CCDC81: variants seen among roughly 807,000 people sequenced by gnomAD.
CCDC81 encodes coiled-coil domain containing 81.
In CCDC81, 79 loss-of-function variants were observed where a neutral mutation model predicts 83.7. The ratio of observed to expected loss-of-function variants is 0.94; its 90% CI spans 0.79 to 1.14. CCDC81 has a LOEUF of 1.14. CCDC81 is among the 50% of genes most tolerant of loss of function. CCDC81 has a pLI of 0.00. For synonymous variants in CCDC81, 252 were observed against 278.1 expected (o/e 0.91, Z 0.93); for missense variants, 791 against 778.1 (o/e 1.02, Z -0.20).
intron 13 of CCDC81, among the ~76,000 whole-genome samples, chr11:86,417,311 A>C (rs555717135): frequency 2.0e-5 from 3 of 152,012 alleles, no homozygotes; most frequent in African/African-American, 7.2e-5. Flanking sequence ...TAAATAGGAA[A>C]ATTTTTTAAA....
At chr11:86,395,032 A>C (rs1311904994) in intron 4 of CCDC81, 1 of 197,858 alleles carries the variant, frequency 5.1e-6, no homozygotes, top group Non-Finnish European at 1.0e-5. Context: ...TATTTTTACA[A>C]AGTCTGCTAT....
At chr11:86,391,918 G>C (rs572704887) in intron 3 of CCDC81, among the ~76,000 whole-genome samples, 77 of 152,328 alleles carry the variant, frequency 5.1e-4, no homozygotes, top group Admixed American at 3.3e-3. Context: ...AAGCAGTCAT[G>C]TCTTACAAGG....
At chr11:86,387,473 A>T in intron 2 of CCDC81, 43 bp from the exon 3 acceptor site, 2 of 1,585,398 alleles carry the variant, frequency 1.3e-6, no homozygotes, top group Admixed American at 3.5e-5. Context: ...TTTTTTCTTC[A>T]CTCCTTCAAT....
intron 1 of CCDC81, among the ~76,000 whole-genome samples, chr11:86,384,801 G>A (rs1001085805): frequency 6.6e-6 from 1 of 152,184 alleles, no homozygotes; most frequent in African/African-American, 2.4e-5. Context: ...GTTCTTAACT[G>A]GAAAGTATCT....
intron 1 of CCDC81, among the ~76,000 whole-genome samples, chr11:86,380,197 T>C (rs951183281): frequency 2.6e-5 from 4 of 152,164 alleles, no homozygotes; most frequent in African/African-American, 9.6e-5. Context: ...TCCTTTGCTT[T>C]TGAAAAATAA....
chr11:86,409,648 G>A lies in CCDC81; in HGVS notation c.1218+283G>A, dbSNP rs181610181. ...GTATTTTTAGTAGAGACAGGGTTTC[G>A]CCATGTTGGCCAGGCTGGTCTTGAA... On this transcript the variant is annotated intron_variant, in intron 10 of 14. Coordinates refer to ENST00000445632, the MANE Select transcript of CCDC81 (RefSeq NM_001156474.2). Among the ~76,000 whole-genome samples, 702 of 152,122 alleles carry A rather than the reference G, an allele frequency of 4.6e-3. 6 individuals are homozygous for A. The highest frequency in any genetic ancestry group is 0.015 in the African/African-American group (641 of 41,500).
intron 9 of CCDC81, among the ~76,000 whole-genome samples, chr11:86,408,607 A>G (rs1167143562): frequency 2.6e-5 from 4 of 152,100 alleles, no homozygotes; most frequent in Non-Finnish European, 5.9e-5. Flanking sequence ...TGCCTCCCAA[A>G]GTGCTGGGAT....
At chr11:86,380,199 GA>G (rs1948158873) in intron 1 of CCDC81, among the ~76,000 whole-genome samples, 1 of 151,862 alleles carries the variant, frequency 6.6e-6, no homozygotes, top group South Asian at 2.1e-4. Context: ...CTTTGCTTTT[GA>G]AAAATAATTT....
intron 13 of CCDC81, chr11:86,419,100 G>A (rs1156760095): frequency 2.0e-5 from 3 of 152,188 alleles, no homozygotes; most frequent in Non-Finnish European, 4.4e-5. Flanking sequence ...GATTTTTATT[G>A]GAGGATCCTG....
chr11:86,386,807 G>A (rs918935772), intron 2 of CCDC81, among the ~76,000 whole-genome samples: 1 of 152,222 alleles, frequency 6.6e-6, no homozygotes, highest in Middle Eastern at 3.4e-3. Flanking sequence ...TGAAAAATCA[G>A]CAGATCTAAC....
At chr11:86,382,045 G>A (rs1465275542) in intron 1 of CCDC81, among the ~76,000 whole-genome samples, 1 of 152,124 alleles carries the variant, frequency 6.6e-6, no homozygotes, top group East Asian at 1.9e-4. Flanking sequence ...GGGAGGCAGT[G>A]TATTCTAAAG....
In CCDC81 at chr11:86,384,137, A is replaced by G. The variant is rs531085373; in HGVS notation, c.80-1914A>G. 1.7e-3 allele frequency among the ~76,000 whole-genome samples: 254 copies of G among 152,366 alleles called. 2 individuals are homozygous for G. Among genetic ancestry groups the G allele is most frequent in the Non-Finnish European group, 2.7e-3 (186 of 68,036 alleles). ...TTAGAGGTGAAAGACTGTTAGAGTC[A>G]TAAATTTAACAATTTTGACTTAATA... On this transcript the variant is annotated intron_variant, in intron 1 of 14. Transcript: ENST00000445632.
At chr11:86,399,876 A>T (rs888441349) in intron 6 of CCDC81, among the ~76,000 whole-genome samples, 1 of 151,934 alleles carries the variant, frequency 6.6e-6, no homozygotes, top group South Asian at 2.1e-4. Context: ...TAATCCCAGC[A>T]CTTTGGGAGG....
At chr11:86,402,062 G>T (rs983589023) in intron 7 of CCDC81, among the ~76,000 whole-genome samples, 1 of 149,982 alleles carries the variant, frequency 6.7e-6, no homozygotes, top group Non-Finnish European at 1.5e-5. Flanking sequence ...GTGAACCCGG[G>T]AGGTGGAGGT....
intron 1 of CCDC81, among the ~76,000 whole-genome samples, chr11:86,380,585 C>T (rs1948164006): frequency 6.6e-6 from 1 of 151,998 alleles, no homozygotes; most frequent in South Asian, 2.1e-4. Flanking sequence ...GGGTACACAC[C>T]TTCTGTAGTT....
At position 86,386,010 on chromosome 11, in the gene CCDC81, G is replaced by A. The variant is rs199553106; in HGVS notation, c.80-41G>A. 33 of 948,338 alleles carry A rather than the reference G, an allele frequency of 3.5e-5. 1 individual carries two copies. The highest frequency in any genetic ancestry group is 2.3e-4 in the Middle Eastern group (1 of 4,438). 58.7% of individuals were successfully genotyped at this position (948,338 alleles called of 1,614,324 possible). On this transcript the variant is annotated intron_variant, in intron 1 of 14. Coordinates refer to ENST00000445632, the MANE Select transcript of CCDC81 (RefSeq NM_001156474.2). ...CACTAAGATACTGTCACATGGGTGC[G>A]CATATAAATTGAATAATTTCTGGTT... is the stretch of plus-strand genomic sequence containing the variant.
intron 6 of CCDC81, among the ~76,000 whole-genome samples, chr11:86,399,237 C>G (rs1483691563): frequency 1.3e-5 from 2 of 152,272 alleles, no homozygotes; most frequent in Admixed American, 1.3e-4. Flanking sequence ...AACTTTTAGC[C>G]TAATATTCAT....
At chr11:86,391,560 G>T (rs1330937596) in intron 3 of CCDC81, among the ~76,000 whole-genome samples, 1 of 152,128 alleles carries the variant, frequency 6.6e-6, no homozygotes, top group Non-Finnish European at 1.5e-5. Flanking sequence ...GTATTCCTTT[G>T]TAGTGTCATA....
intron 1 of CCDC81, among the ~76,000 whole-genome samples, chr11:86,381,957 C>T (rs1948182451): frequency 6.6e-6 from 1 of 152,072 alleles, no homozygotes; most frequent in Admixed American, 6.6e-5. Context: ...AAGGGAATGA[C>T]AGGGGCAAAA....
Sources: allele counts gnomAD v4.1 joint callset (sites outside exome capture counted in the v4.1 genomes callset), GRCh38; gene constraint gnomAD v4.1.1; transcripts MANE v1.5; gene names NCBI Gene and HGNC (gene_info 2026-07-23, HGNC 2026-07-21).